The following FBF1 variants were observed in gnomAD, a reference collection of about 807,000 sequenced individuals.
FBF1 encodes the protein Fas binding factor 1, also known as fas-binding factor 1.
Under a neutral mutation model 147.2 loss-of-function variants are expected in FBF1, and 119 were observed. That is an observed-to-expected ratio of 0.81 (90% confidence interval 0.70 to 0.94). The LOEUF is 0.94. FBF1 is among the 40% of genes least tolerant of loss of function. The pLI is 0.00. For missense variants in FBF1, 1,449 were observed against 1,500.8 expected (o/e 0.97, Z 0.57); for synonymous variants, 601 against 609.0 (o/e 0.99, Z 0.19).
intron 13 of FBF1, among the ~76,000 whole-genome samples, chr17:75,924,178 C>T (rs1598157142): frequency 6.6e-6 from 1 of 152,028 alleles, no homozygotes; most frequent in African/African-American, 2.4e-5. Flanking sequence ...CATGCCACTG[C>T]ACTCCAGCCT....
intron 28 of FBF1, among the ~76,000 whole-genome samples, chr17:75,912,583 C>A (rs2065462682): frequency 6.6e-6 from 1 of 152,182 alleles, no homozygotes; most frequent in Admixed American, 6.5e-5. Context: ...CTCTTTAAGA[C>A]AACAAATCAC....
In FBF1 at chr17:75,928,841, A is replaced by G. The variant is rs2065577581; in HGVS notation, c.280-648T>C. Among the ~76,000 whole-genome samples, 1 of 151,974 alleles carries G rather than the reference A, an allele frequency of 6.6e-6. No individual in the cohort carries two copies. Among genetic ancestry groups the G allele is most frequent in the East Asian group, 1.9e-4 (1 of 5,168 alleles). On this transcript the variant is annotated intron_variant, in intron 7 of 29. Transcript: ENST00000636174. The surrounding 1 kb of genome is among the most constrained non-coding windows in gnomAD (Gnocchi z 4.2). ...AAAAATAAATTAAAAATAAAATAAA[A>G]TAAAGACAGAGTCTCACTCTGTCAC... is the stretch of plus-strand genomic sequence containing the variant.
chr17:75,923,077 C>T lies in FBF1; in HGVS notation c.1424+109G>A. 2 of 1,165,174 alleles carry T rather than the reference C, an allele frequency of 1.7e-6. No homozygotes were observed. Among genetic ancestry groups the T allele is most frequent in the Non-Finnish European group, 2.4e-6 (2 of 837,478 alleles). 72.2% of individuals were successfully genotyped at this position (1,165,174 alleles called of 1,614,324 possible). On this transcript the variant is annotated intron_variant, in intron 14 of 29. Transcript: ENST00000636174. This position sits in a 1 kb window ranked among gnomAD's most constrained non-coding sequence, Gnocchi z 4.1. ...CGGCCTCTGTGGCCACGGCGCCCTG[C>T]CTTGTTCCCCAACTGCTGACTGAGG...
intron 5 of FBF1, among the ~76,000 whole-genome samples, chr17:75,931,517 C>T (rs1315682706): frequency 2.0e-5 from 3 of 152,184 alleles, no homozygotes; most frequent in Non-Finnish European, 4.4e-5. Context: ...GGTGTGGGGG[C>T]TCATGCCTGT....
intron 4 of FBF1, among the ~76,000 whole-genome samples, chr17:75,934,905 A>C (rs954247073): frequency 2.0e-5 from 3 of 150,942 alleles, no homozygotes; most frequent in African/African-American, 7.3e-5. Context: ...AAAAGGTAAG[A>C]TGCTGTGTGA....
chr17:75,921,161 C>T, intron 17 of FBF1, 83 bp downstream of exon 17: 1 of 1,398,276 alleles, frequency 7.2e-7, no homozygotes, highest in Non-Finnish European at 9.9e-7. Flanking sequence ...GGCAGGTCGT[C>T]AGGTCAAACT....
At chr17:75,921,065 G>A (rs948711956) in intron 17 of FBF1, among the ~76,000 whole-genome samples, 179 bp downstream of exon 17, 1 of 152,226 alleles carries the variant, frequency 6.6e-6, no homozygotes, top group African/African-American at 2.4e-5. Context: ...CAGGAGCAGC[G>A]AGGCTAGAAA....
Position 75,921,558 on chromosome 17 carries a change from G to C in FBF1, c.1529C>G (p.Ser510Cys). The part of the protein sequence containing the change: ...RPCVRPGVSG[S>C]PVTQNHAASA... ...GGCGGCATGGTTCTGAGTCACAGGG[G>C]ACCTGAGGACACAGGGATGGGGCAT... Residue 510 changes from serine to cysteine, a missense_variant and splice_region_variant, in exon 16 of 30, where the codon TCC (serine) becomes TGC (cysteine). By Grantham distance (112) the Ser-to-Cys change is moderately radical (BLOSUM62 -1). Transcript: ENST00000636174. 1 of 1,605,472 alleles carries C rather than the reference G, an allele frequency of 6.2e-7. No homozygotes were observed. The highest frequency in any genetic ancestry group is 1.1e-5 in the South Asian group (1 of 90,556).
In FBF1 at chr17:75,923,152, TC is replaced by T; in HGVS notation, c.1424+33del. ...GGCTCCTCAAGTCCCCAGCCAGTCC[TC>T]CCCCTACTAGCCACAGCAGCCTAAG... On this transcript the variant is annotated intron_variant, in intron 14 of 29. Coordinates refer to ENST00000636174, the MANE Select transcript of FBF1 (RefSeq NM_001319193.2). This position sits in a 1 kb window ranked among gnomAD's most constrained non-coding sequence, Gnocchi z 4.1. The T allele has an allele frequency of 6.6e-7, 1 of 1,513,802 alleles. No homozygotes were observed. Among genetic ancestry groups the T allele is most frequent in the Non-Finnish European group, 8.9e-7 (1 of 1,126,126 alleles). The allele number at this position is 1,513,802 out of a possible 1,614,324, so 93.8% of individuals were successfully genotyped here.
rs1467273814 is a variant in FBF1 at position 75,928,059 on chromosome 17, A to G, written c.397+17T>C. The G allele has an allele frequency of 6.2e-7, 1 of 1,605,092 alleles. No individual in the cohort carries two copies. Among genetic ancestry groups the G allele is most frequent in the Non-Finnish European group, 8.5e-7 (1 of 1,173,426 alleles). The stretch of plus-strand genomic sequence containing the variant: ...GAGCCGTCTCCCATGCACCTTTCTC[A>G]CTGGCTACTGACCCACCTGCAGGCT... On this transcript the variant is annotated intron_variant, in intron 8 of 29. Transcript: ENST00000636174. The surrounding 1 kb of genome is among the most constrained non-coding windows in gnomAD (Gnocchi z 4.2).
chr17:75,939,551 T>C (rs1231291890), intron 1 of FBF1, among the ~76,000 whole-genome samples: 1 of 152,118 alleles, frequency 6.6e-6, no homozygotes, highest in African/African-American at 2.4e-5. Flanking sequence ...CTCTTTGATA[T>C]TCTTTTTCTT....
Position 75,928,042 on chromosome 17 carries a change from TC to T in FBF1, c.397+33del, listed in dbSNP as rs2065572834. The T allele has an allele frequency of 6.4e-7, 1 of 1,551,690 alleles. No individual in the cohort carries two copies. Among genetic ancestry groups the T allele is most frequent in the South Asian group, 1.1e-5 (1 of 89,202 alleles). ...TCCCTAGCAGATGCGAGGAGCCGTCTCCCATGCACCTTTCTCACTGGCTACT... is the reference window on the plus strand; with the variant it reads ...TCCCTAGCAGATGCGAGGAGCCGTCTCCATGCACCTTTCTCACTGGCTACT... On this transcript the variant is annotated intron_variant, in intron 8 of 29. Transcript: ENST00000636174. The surrounding 1 kb of genome is among the most constrained non-coding windows in gnomAD (Gnocchi z 4.2).
rs2065506154 is a variant in FBF1, at chr17:75,918,876, C to A, written c.2139-607G>T. Among the ~76,000 whole-genome samples, 1 of 151,056 alleles carries A rather than the reference C, an allele frequency of 6.6e-6. No homozygotes were observed. The highest frequency in any genetic ancestry group is 2.4e-5 in the African/African-American group (1 of 41,024). ...CAGGCTGGTCTTGAACTCCTAGCCT[C>A]AAGCAATCCTCCTGCCTTGGCCTCC... On this transcript the variant is annotated intron_variant, in intron 20 of 29. Coordinates refer to ENST00000636174, the MANE Select transcript of FBF1 (RefSeq NM_001319193.2). The surrounding 1 kb of genome is among the most constrained non-coding windows in gnomAD (Gnocchi z 5.8).
chr17:75,934,094 A>G (rs1257238202), intron 4 of FBF1, among the ~76,000 whole-genome samples: 1 of 152,250 alleles, frequency 6.6e-6, no homozygotes, highest in Non-Finnish European at 1.5e-5. Context: ...GAACGTTCAT[A>G]ACAGCATTAT....
In FBF1 at chr17:75,910,028, A is replaced by G; in HGVS notation, c.*695T>C. On this transcript the variant is annotated 3_prime_UTR_variant, in exon 30 of 30. Coordinates refer to ENST00000636174, the MANE Select transcript of FBF1 (RefSeq NM_001319193.2). This position sits in a 1 kb window ranked among gnomAD's most constrained non-coding sequence, Gnocchi z 4.1. ...TCCTCGTCCCTCCCCACACCCCACC[A>G]TCGCCACAGCTCCCTCCGCCGCCGG... 1.5e-6 allele frequency: 1 copy of G among 661,412 alleles called. No individual in the cohort carries two copies. The highest frequency in any genetic ancestry group is 2.8e-6 in the Non-Finnish European group (1 of 359,162). 41.0% of individuals were successfully genotyped at this position (661,412 alleles called of 1,614,324 possible).
At chr17:75,936,224 G>C (rs903275599) in intron 3 of FBF1, among the ~76,000 whole-genome samples, 1 of 150,322 alleles carries the variant, frequency 6.7e-6, no homozygotes, top group Non-Finnish European at 1.5e-5. Flanking sequence ...TGAGGCAGAA[G>C]AATCACTTGA....
Position 75,909,636 on chromosome 17 carries a change from C to G in FBF1, c.*1087G>C. The G allele has an allele frequency of 1.8e-6, 1 of 558,648 alleles. No individual in the cohort carries two copies. The highest frequency in any genetic ancestry group is 3.2e-6 in the Non-Finnish European group (1 of 313,574). 34.6% of individuals were successfully genotyped at this position (558,648 alleles called of 1,614,324 possible). A position where few individuals can be genotyped will look rare whatever the true frequency, so the allele number is the denominator to read the frequency against. ...CAGTTTCTGCATGTTTGAAGCAGGG[C>G]TAATAGTACCCTTCTCCTGGCTGTG... On this transcript the variant is annotated 3_prime_UTR_variant, in exon 30 of 30. Coordinates refer to ENST00000636174, the MANE Select transcript of FBF1 (RefSeq NM_001319193.2).
chr17:75,926,445 C>T lies in FBF1; in HGVS notation c.596-19G>A, dbSNP rs2065562478. ...GAGGGACCTGAAAGACAAAACAAGG[C>T]CCAATGCCTGCAGCCTTCTTGCCCT... On this transcript the variant is annotated intron_variant, in intron 10 of 29. Transcript: ENST00000636174. The T allele has an allele frequency of 6.5e-7, 1 of 1,535,040 alleles. No individual in the cohort carries two copies. Among genetic ancestry groups the T allele is most frequent in the Non-Finnish European group, 8.7e-7 (1 of 1,143,878 alleles).
chr17:75,926,787 T>C lies in FBF1; in HGVS notation c.566A>G (p.Asp189Gly), dbSNP rs2065564595. 1.4e-5 allele frequency: 23 copies of C among 1,613,758 alleles called. No homozygotes were observed. The highest frequency in any genetic ancestry group is 1.9e-5 in the Non-Finnish European group (22 of 1,179,860). The change falls in exon 10 of 30, where the codon GAC (aspartate) becomes GGC (glycine). Residue 189 changes from aspartate (D) to glycine (G), a missense_variant. Transcript: ENST00000636174. The part of the protein sequence containing the change: ...PPVTQSKTAS[D>G]KSPSTVRDQG... ...ATCTCTCACTGTGCTGGGGCTCTTG[T>C]CAGAAGCTGTTTTACTCTGTGTCAC...
Sources: allele counts gnomAD v4.1 joint callset (sites outside exome capture counted in the v4.1 genomes callset), GRCh38; gene constraint gnomAD v4.1.1; non-coding constraint Gnocchi (gnomAD v3.1); transcripts MANE v1.5; gene names NCBI Gene and HGNC (gene_info 2026-07-23, HGNC 2026-07-21).